The following DERA variants were observed in gnomAD, a reference collection of about 807,000 sequenced individuals.
DERA encodes deoxyribose-phosphate aldolase.
In DERA, 15 loss-of-function variants were observed where a neutral mutation model predicts 41.1. That is an observed-to-expected ratio of 0.37 (90% CI 0.24 to 0.56). The LOEUF (loss-of-function observed/expected upper bound fraction) is 0.56, where lower values mean the gene tolerates loss of function less well. Among genes scored for constraint, DERA ranks in the 20% least tolerant of loss-of-function variants. DERA has a pLI of 0.81. For missense variants in DERA, 396 were observed against 403.4 expected, an observed-to-expected ratio of 0.98 and a Z score of 0.16; for synonymous variants, 139 against 137.4, an observed-to-expected ratio of 1.01 and a Z score of -0.08.
chr12:15,929,458 G>GGCTTGTTT, intron 1 of DERA, among the ~76,000 whole-genome samples: 1 of 152,138 alleles, frequency 6.6e-6, no homozygotes, highest in Non-Finnish European at 1.5e-5. Flanking sequence ...ATGTAGCGGA[G>GGCTTGTTT]GCTTGTTTGT....
At chr12:16,023,435 T>C (rs2136185824) in intron 6 of DERA, among the ~76,000 whole-genome samples, 1 of 150,504 alleles carries the variant, frequency 6.6e-6, no homozygotes, top group African/African-American at 2.4e-5. Context: ...CAACAAAAAA[T>C]ACATTGGATG....
chr12:15,925,144 G>A (rs190691631), intron 1 of DERA, among the ~76,000 whole-genome samples: 7 of 137,144 alleles, frequency 5.1e-5, no homozygotes, highest in African/African-American at 1.3e-4. Context: ...TCCCACCCCC[G>A]AGCCCCAACC....
rs1948925909 is a variant in DERA, at chr12:16,008,266, A to C, written c.638-24276A>C. 6.6e-6 allele frequency among the ~76,000 whole-genome samples: 1 copy of C among 152,040 alleles called. No homozygotes were observed. The highest frequency in any genetic ancestry group is 1.5e-5 in the Non-Finnish European group (1 of 68,006). On this transcript the variant is annotated intron_variant, in intron 6 of 8. Coordinates refer to ENST00000428559, the MANE Select transcript of DERA (RefSeq NM_015954.4). The surrounding 1 kb of genome is among the most constrained non-coding windows in gnomAD (Gnocchi z 4.8). Reference sequence around the variant, plus strand: ...TTGTTTCTCAAACAGGAATCCTACTACTCCGTGGCTTCTCACTTTTAGCTT... The same window carrying C: ...TTGTTTCTCAAACAGGAATCCTACTCCTCCGTGGCTTCTCACTTTTAGCTT...
chr12:15,973,507 T>C (rs776450602), intron 5 of DERA, among the ~76,000 whole-genome samples: 14 of 152,204 alleles, frequency 9.2e-5, no homozygotes, highest in Non-Finnish European at 2.1e-4. Context: ...ACAACAGACA[T>C]ATATTACATG....
At chr12:16,007,596 T>C (rs1948920773) in intron 6 of DERA, among the ~76,000 whole-genome samples, 1 of 152,214 alleles carries the variant, frequency 6.6e-6, no homozygotes, top group Non-Finnish European at 1.5e-5. Context: ...TAGATTGTGC[T>C]AGCTGTATGG....
In DERA at chr12:15,982,745, TAGAC is replaced by T. The variant is rs1436823888; in HGVS notation, c.637+312_637+315del. 1.3e-5 allele frequency among the ~76,000 whole-genome samples: 2 copies of T among 152,226 alleles called. No homozygotes were observed. Among genetic ancestry groups the T allele is most frequent in the Non-Finnish European group, 2.9e-5 (2 of 68,038 alleles). ...TGATTATTCACTCATCAACATATGT[TAGAC>T]AGGAATTTCTTTGACTTACTCCTCT... On this transcript the variant is annotated intron_variant, in intron 6 of 8. Transcript: ENST00000428559. This position sits in a 1 kb window ranked among gnomAD's most constrained non-coding sequence, Gnocchi z 4.0.
At chr12:16,029,465 A>G (rs1322279708) in intron 6 of DERA, among the ~76,000 whole-genome samples, 1 of 151,894 alleles carries the variant, frequency 6.6e-6, no homozygotes, top group Non-Finnish European at 1.5e-5. Flanking sequence ...TAAACAAACT[A>G]TTTTGTTCTG....
chr12:15,975,254 G>A (rs1948689161), intron 5 of DERA, among the ~76,000 whole-genome samples: 1 of 150,456 alleles, frequency 6.6e-6, no homozygotes, highest in African/African-American at 2.4e-5. Context: ...TGAGCCAGGA[G>A]TGCTGAGTGG....
chr12:15,920,007 A>T (rs1266988429), intron 1 of DERA, among the ~76,000 whole-genome samples: 1 of 151,228 alleles, frequency 6.6e-6, no homozygotes, highest in Non-Finnish European at 1.5e-5. Flanking sequence ...TGTGTGTGTG[A>T]GAGAGAAAGA....
intron 3 of DERA, 33 bp downstream of exon 3, chr12:15,958,368 T>C: frequency 1.3e-6 from 2 of 1,559,622 alleles, no homozygotes; most frequent in Admixed American, 1.9e-5. Flanking sequence ...ATGTGGTGTT[T>C]AGTGCTTACA....
At chr12:15,923,017 CTT>C (rs1208644862) in intron 1 of DERA, among the ~76,000 whole-genome samples, 1 of 104,426 alleles carries the variant, frequency 9.6e-6, no homozygotes, top group African/African-American at 3.6e-5. Flanking sequence ...TTTGTTTTTG[CTT>C]TTTTTTTTTT....
rs1402546163 is a variant in DERA, at chr12:15,918,046, C to G, written c.31+6632C>G. The stretch of plus-strand genomic sequence containing the variant: ...TGAGTTCACACTAATACCACCAGTT[C>G]TGGTCCAACACCACAGGATTTATCC... On this transcript the variant is annotated intron_variant, in intron 1 of 8. Coordinates refer to ENST00000428559, the MANE Select transcript of DERA (RefSeq NM_015954.4). This position sits in a 1 kb window ranked among gnomAD's most constrained non-coding sequence, Gnocchi z 4.3. Among the ~76,000 whole-genome samples, 1 of 152,208 alleles carries G rather than the reference C, an allele frequency of 6.6e-6. No homozygotes were observed. Among genetic ancestry groups the G allele is most frequent in the East Asian group, 1.9e-4 (1 of 5,198 alleles).
At position 15,911,638 on chromosome 12, in the gene DERA, A is replaced by C; in HGVS notation, c.31+224A>C. The C allele has an allele frequency of 1.4e-6, 1 of 695,922 alleles. No individual in the cohort carries two copies. The highest frequency in any genetic ancestry group is 2.6e-6 in the Non-Finnish European group (1 of 381,694). 43.1% of individuals were successfully genotyped at this position (695,922 alleles called of 1,614,324 possible). ...CCTAAGCTTTTACTCTTGTATGCGG[A>C]AGGAGTAGGAAAGGGTTAGATTATT... On this transcript the variant is annotated intron_variant, in intron 1 of 8. Coordinates refer to ENST00000428559, the MANE Select transcript of DERA (RefSeq NM_015954.4). The surrounding 1 kb of genome is among the most constrained non-coding windows in gnomAD (Gnocchi z 4.5).
Position 15,996,783 on chromosome 12 carries a change from C to G in DERA, c.637+14347C>G, listed in dbSNP as rs1052190541. Among the ~76,000 whole-genome samples, 3 of 152,166 alleles carry G rather than the reference C, an allele frequency of 2.0e-5. No homozygotes were observed. The highest frequency in any genetic ancestry group is 2.0e-4 in the Admixed American group (3 of 15,278). ...AAGAAGTTAGAGAAAAATATTTTGA[C>G]TCAAACCCAGCAAACTTGAATTCAG... On this transcript the variant is annotated intron_variant, in intron 6 of 8. Coordinates refer to ENST00000428559, the MANE Select transcript of DERA (RefSeq NM_015954.4). This position sits in a 1 kb window ranked among gnomAD's most constrained non-coding sequence, Gnocchi z 4.7.
chr12:15,934,103 T>C (rs1948348623), intron 1 of DERA, among the ~76,000 whole-genome samples: 1 of 152,032 alleles, frequency 6.6e-6, no homozygotes, highest in Non-Finnish European at 1.5e-5. Flanking sequence ...TTATCCATGG[T>C]TTTCAACTGT....
chr12:15,989,815 A>G lies in DERA; in HGVS notation c.637+7379A>G, dbSNP rs1948789202. ...TAACTATGTTAGTCTGGTCTTACAC[A>G]TCATTGTAAGTAAAATTGTGTTAAA... is the stretch of plus-strand genomic sequence containing the variant. On this transcript the variant is annotated intron_variant, in intron 6 of 8. Coordinates refer to ENST00000428559, the MANE Select transcript of DERA (RefSeq NM_015954.4). This position sits in a 1 kb window ranked among gnomAD's most constrained non-coding sequence, Gnocchi z 5.2. 6.6e-6 allele frequency among the ~76,000 whole-genome samples: 1 copy of G among 152,242 alleles called. No homozygotes were observed. The highest frequency in any genetic ancestry group is 1.5e-5 in the Non-Finnish European group (1 of 68,040).
Position 15,988,818 on chromosome 12 carries a change from G to T in DERA, c.637+6382G>T, listed in dbSNP as rs1948782981. On this transcript the variant is annotated intron_variant, in intron 6 of 8. Transcript: ENST00000428559. The surrounding 1 kb of genome is among the most constrained non-coding windows in gnomAD (Gnocchi z 6.0). Reference sequence around the variant, plus strand: ...GCACCCAGGCTATTCACACTGAGGGGCGCCTGCAGACCCACACCAAGCTGC... The same window carrying T: ...GCACCCAGGCTATTCACACTGAGGGTCGCCTGCAGACCCACACCAAGCTGC... Among the ~76,000 whole-genome samples the T allele has an allele frequency of 6.6e-6, 1 of 152,136 alleles. No individual in the cohort carries two copies. The highest frequency in any genetic ancestry group is 1.5e-5 in the Non-Finnish European group (1 of 68,012).
rs58250786 is a variant in DERA at position 16,023,473 on chromosome 12, C to CTTTTTT, written c.638-9052_638-9047dup. ...AGAGGCAAGAAAAAAAACTCAAAGT[C>CTTTTTT]TTTTTTTTTTTTTTTTTTTTTTGAG... On this transcript the variant is annotated intron_variant, in intron 6 of 8. Transcript: ENST00000428559. 5.2e-4 allele frequency among the ~76,000 whole-genome samples: 58 copies of CTTTTTT among 111,866 alleles called. 1 individual carries two copies. The highest frequency in any genetic ancestry group is 1.9e-3 in the African/African-American group (50 of 26,224). The allele number at this position is 111,866 out of a possible 152,430, so 73.4% of individuals were successfully genotyped here. A position where few individuals can be genotyped will look rare whatever the true frequency, so the allele number is the denominator to read the frequency against.
At chr12:15,955,038 G>T (rs965966039) in intron 1 of DERA, among the ~76,000 whole-genome samples, 2 of 152,064 alleles carry the variant, frequency 1.3e-5, no homozygotes, top group African/African-American at 4.8e-5. Flanking sequence ...AGTGGCTCAT[G>T]CCTGTAATCC....
Sources: gnomAD v4.1 joint callset for allele counts (sites outside exome capture counted in the v4.1 genomes callset) on GRCh38, gnomAD v4.1.1 for gene constraint, Gnocchi (gnomAD v3.1) non-coding constraint, MANE v1.5 for transcripts, NCBI Gene and HGNC (gene_info 2026-07-23, HGNC 2026-07-21) for gene names.